Variants in UQCR11 observed in about 807,000 individuals in gnomAD.
UQCR11 encodes cytochrome b-c1 complex subunit 10.
UQCR11 carries 10 observed loss-of-function variants against 7.6 expected under a neutral mutation model. The observed-to-expected ratio is 1.31, with a 90% CI of 0.81 to 2.22. The LOEUF (loss-of-function observed/expected upper bound fraction) is 2.22, where lower values mean the gene tolerates loss of function less well. UQCR11 is among the 30% of genes most tolerant of loss of function. The pLI is 0.00. For synonymous variants in UQCR11, 34 were observed against 34.9 expected (o/e 0.97, Z 0.09); for missense variants, 86 against 75.1 (o/e 1.15, Z -0.54).
Position 1,599,428 on chromosome 19 carries a change from G to A in UQCR11, c.*12C>T. On this transcript the variant is annotated 3_prime_UTR_variant, in exon 2 of 3. Transcript: ENST00000591899. ...GAAACTTACCAGAGCAGTCTGTGAA[G>A]GGTTTGTGTAATTAATTATCCTTCT... 1 of 1,613,434 alleles carries A rather than the reference G, an allele frequency of 6.2e-7. No homozygotes were observed. The highest frequency in any genetic ancestry group is 1.3e-5 in the African/African-American group (1 of 75,078).
At chr19:1,600,209 C>CTTTT (rs751453784) in intron 1 of UQCR11, among the ~76,000 whole-genome samples, 1 of 121,348 alleles carries the variant, frequency 8.2e-6, no homozygotes, top group African/African-American at 3.0e-5. Context: ...GCACAGGCTT[C>CTTTT]TTTTTTTTTT....
At position 1,605,438 on chromosome 19, in the gene UQCR11, C is replaced by T. The variant is rs1215671397; in HGVS notation, c.-29G>A. On this transcript the variant is annotated 5_prime_UTR_variant, in exon 1 of 3. Transcript: ENST00000591899. ...GGCGGAGTCGCACCCTCAGGATGAC[C>T]CTGTCCAGCTGACCCGGCTACACTG... is the stretch of plus-strand genomic sequence containing the variant. 1.3e-6 allele frequency: 2 copies of T among 1,528,138 alleles called. No homozygotes were observed. The highest frequency in any genetic ancestry group is 2.1e-5 in the Admixed American group (1 of 47,682). The allele number at this position is 1,528,138 out of a possible 1,614,324, so 94.7% of individuals were successfully genotyped here.
chr19:1,599,708 TG>T (rs1253193413), intron 1 of UQCR11, 148 bp from the exon 2 acceptor site: 1 of 1,288,402 alleles, frequency 7.8e-7, no homozygotes, highest in Non-Finnish European at 1.0e-6. Flanking sequence ...CCCTGAGGGC[TG>T]GCACCAGCAG....
intron 1 of UQCR11, among the ~76,000 whole-genome samples, chr19:1,600,304 C>G (rs1453011325): frequency 1.3e-5 from 2 of 151,370 alleles, no homozygotes; most frequent in Non-Finnish European, 2.9e-5. Flanking sequence ...ATCTCCACCT[C>G]CCGGGTTCAA....
rs1409924118 is a variant in UQCR11 at position 1,597,387 on chromosome 19, T to C, written c.*857A>G. The C allele has an allele frequency of 1.3e-5, 2 of 152,164 alleles. No individual in the cohort carries two copies. Among genetic ancestry groups the C allele is most frequent in the African/African-American group, 4.8e-5 (2 of 41,426 alleles). The allele number at this position is 152,164 out of a possible 1,614,324, so 9.4% of individuals were successfully genotyped here. ...AGTTTGAAATGTCTACCAATTCTGATATTCTTCCCTTCAAAACACAGAACC... is the reference window on the plus strand; with the variant it reads ...AGTTTGAAATGTCTACCAATTCTGACATTCTTCCCTTCAAAACACAGAACC... On this transcript the variant is annotated 3_prime_UTR_variant, in exon 3 of 3. Transcript: ENST00000591899.
rs1243350430 is a variant in UQCR11, at chr19:1,599,534, G to A, written c.77C>T (p.Ala26Val). 1.4e-5 allele frequency: 22 copies of A among 1,612,296 alleles called. No homozygotes were observed. The highest frequency in any genetic ancestry group is 1.7e-5 in the Non-Finnish European group (20 of 1,179,990). The change falls in exon 2 of 3, where the codon GCT (alanine) becomes GTT (valine). Residue 26 changes from alanine to valine, a missense_variant. Ala to Val is a moderately conservative substitution (Grantham distance 64). Coordinates refer to ENST00000591899, the MANE Select transcript of UQCR11 (RefSeq NM_006830.4). The part of the protein sequence containing the change: ...NWVPTAYTWG[A>V]VGAVGLVWAT... ...CCACACCAGCCCCACGGCGCCCACA[G>A]CGCCCCATGTGTAGGCCGTCGGGAC...
chr19:1,605,254 G>T, intron 1 of UQCR11, 106 bp downstream of exon 1: 1 of 1,308,792 alleles, frequency 7.6e-7, no homozygotes, highest in Non-Finnish European at 1.0e-6. Flanking sequence ...AGGGACCTGG[G>T]CCCGGCCCGG....
At chr19:1,603,703 C>A (rs921835976) in intron 1 of UQCR11, among the ~76,000 whole-genome samples, 1 of 152,204 alleles carries the variant, frequency 6.6e-6, no homozygotes, top group African/African-American at 2.4e-5. Flanking sequence ...ACAGAAGAAG[C>A]AGACCTGCTG....
Sources: gnomAD v4.1 joint callset for allele counts (sites outside exome capture counted in the v4.1 genomes callset) on GRCh38, gnomAD v4.1.1 for gene constraint, MANE v1.5 for transcripts, NCBI Gene and HGNC (gene_info 2026-07-23, HGNC 2026-07-21) for gene names.